MACROD2: variants seen among roughly 807,000 people sequenced by gnomAD.
MACROD2 encodes the protein mono-ADP ribosylhydrolase 2, also known as ADP-ribose glycohydrolase MACROD2.
In MACROD2, 36 loss-of-function variants were observed where a neutral mutation model predicts 70.4. That is an observed-to-expected ratio of 0.51 (90% CI 0.39 to 0.68). The LOEUF is 0.68. MACROD2 is among the 30% of genes least tolerant of loss of function. MACROD2 has a pLI of 0.00. For missense variants in MACROD2, 496 were observed against 538.4 expected (o/e 0.92, Z 0.78); for synonymous variants, 172 against 178.8 (o/e 0.96, Z 0.30).
At chr20:15,001,710 T>G (rs1192646768) in intron 5 of MACROD2, among the ~76,000 whole-genome samples, 1 of 152,042 alleles carries the variant, frequency 6.6e-6, no homozygotes, top group Admixed American at 6.6e-5. Context: ...TTTTTGTTTT[T>G]TTTTAATTTT....
chr20:14,047,254 G>A (rs1373510171), intron 2 of MACROD2, among the ~76,000 whole-genome samples: 1 of 152,110 alleles, frequency 6.6e-6, no homozygotes, highest in Non-Finnish European at 1.5e-5. Context: ...AGACCAGTCT[G>A]ACCAGCATGG....
At chr20:14,168,866 C>G (rs1348991235) in intron 3 of MACROD2, among the ~76,000 whole-genome samples, 1 of 152,174 alleles carries the variant, frequency 6.6e-6, no homozygotes, top group African/African-American at 2.4e-5. Flanking sequence ...AAGCCAGTGT[C>G]TCCCTAATAC....
At chr20:15,908,190 C>T (rs2065177811) in intron 10 of MACROD2, among the ~76,000 whole-genome samples, 2 of 152,134 alleles carry the variant, frequency 1.3e-5, no homozygotes, top group African/African-American at 4.8e-5. Flanking sequence ...AAGGCATGCG[C>T]TAGACCAGTG....
chr20:15,620,191 T>G (rs1339290116), intron 8 of MACROD2, among the ~76,000 whole-genome samples: 1 of 152,172 alleles, frequency 6.6e-6, no homozygotes, highest in Non-Finnish European at 1.5e-5. Flanking sequence ...GTTTCCAAGC[T>G]TGTGAAACTA....
chr20:15,168,712 T>C (rs1828871977), intron 5 of MACROD2, among the ~76,000 whole-genome samples: 1 of 152,040 alleles, frequency 6.6e-6, no homozygotes, highest in South Asian at 2.1e-4. Context: ...CCAGGTGTGA[T>C]AGTGAGTTCC....
At position 14,758,862 on chromosome 20, in the gene MACROD2, AT is replaced by A. The variant is rs1255075636; in HGVS notation, c.418+73910del. Among the ~76,000 whole-genome samples, 6 of 152,108 alleles carry A rather than the reference AT, an allele frequency of 3.9e-5. No homozygotes were observed. In the East Asian group the frequency reaches 9.7e-4, roughly 24 times the overall value. ...AACACTGCAAATCTTGAAATTGATC[AT>A]TTTTTTCTCTCTTTAGGTTGGCTTC... On this transcript the variant is annotated intron_variant, in intron 5 of 17. Coordinates refer to ENST00000684519, the MANE Select transcript of MACROD2 (RefSeq NM_001351661.2).
chr20:15,009,772 A>ATT (rs79069561), intron 5 of MACROD2, among the ~76,000 whole-genome samples: 1,694 of 117,874 alleles, frequency 0.014, 35 homozygotes, highest in African/African-American at 0.045. Context: ...CCACCTCCCT[A>ATT]TTTTTTTTTT....
At chr20:15,290,006 C>G (rs2077527455) in intron 6 of MACROD2, among the ~76,000 whole-genome samples, 1 of 152,188 alleles carries the variant, frequency 6.6e-6, no homozygotes, top group Non-Finnish European at 1.5e-5. Context: ...ATAACATTCC[C>G]TGAGCCAGGG....
intron 8 of MACROD2, among the ~76,000 whole-genome samples, chr20:15,846,476 G>A (rs175812): frequency 0.01 from 1,578 of 152,114 alleles, 23 homozygotes; most frequent in Middle Eastern, 0.058. Context: ...TGAGACAGCA[G>A]CGATTTTCTC....
intron 5 of MACROD2, among the ~76,000 whole-genome samples, chr20:14,881,914 A>G (rs888358551): frequency 4.6e-5 from 7 of 152,118 alleles, no homozygotes; most frequent in Admixed American, 2.0e-4. Context: ...GTAGACTTCT[A>G]TTTGTATAGT....
chr20:15,684,509 C>A (rs2050201458), intron 8 of MACROD2, among the ~76,000 whole-genome samples: 1 of 152,190 alleles, frequency 6.6e-6, no homozygotes, highest in Admixed American at 6.5e-5. Context: ...ACAAGTGCTA[C>A]CTTCTCATAA....
intron 3 of MACROD2, among the ~76,000 whole-genome samples, chr20:14,139,879 G>T (rs1286768214): frequency 6.6e-6 from 1 of 152,160 alleles, no homozygotes; most frequent in African/African-American, 2.4e-5. Flanking sequence ...AAGGGTCGCA[G>T]TCAAAATGTA....
intron 5 of MACROD2, among the ~76,000 whole-genome samples, chr20:15,093,078 A>G (rs544442930): frequency 1.3e-5 from 2 of 152,334 alleles, no homozygotes; most frequent in Non-Finnish European, 2.9e-5. Flanking sequence ...CCCTAAAACA[A>G]TATCCCACCA....
At chr20:15,571,949 T>C (rs574874125) in intron 8 of MACROD2, among the ~76,000 whole-genome samples, 1 of 152,258 alleles carries the variant, frequency 6.6e-6, no homozygotes, top group African/African-American at 2.4e-5. Context: ...ACAGTTTTTT[T>C]CCCAAACTTA....
chr20:14,520,401 C>A (rs964306779), intron 4 of MACROD2, among the ~76,000 whole-genome samples: 1 of 151,844 alleles, frequency 6.6e-6, no homozygotes, highest in Admixed American at 6.6e-5. Flanking sequence ...TGATTTATTT[C>A]TTTGATGCTT....
At chr20:15,591,429 A>T (rs1281571993) in intron 8 of MACROD2, among the ~76,000 whole-genome samples, 1 of 152,074 alleles carries the variant, frequency 6.6e-6, no homozygotes, top group Non-Finnish European at 1.5e-5. Context: ...ACATGACAAG[A>T]ACCTGACATG....
chr20:14,739,215 G>A (rs1162739106), intron 5 of MACROD2, among the ~76,000 whole-genome samples: 1 of 151,954 alleles, frequency 6.6e-6, no homozygotes, highest in Non-Finnish European at 1.5e-5. Context: ...ATTCTAGTAT[G>A]AGAAATTATG....
At chr20:14,731,004 CACACAT>C (rs1000831018) in intron 5 of MACROD2, among the ~76,000 whole-genome samples, 29 of 112,562 alleles carry the variant, frequency 2.6e-4, no homozygotes, top group African/African-American at 7.1e-4. Flanking sequence ...CACACACACA[CACACAT>C]GCACACACAC....
chr20:15,296,721 T>C (rs576127153), intron 6 of MACROD2, among the ~76,000 whole-genome samples: 1 of 152,244 alleles, frequency 6.6e-6, no homozygotes, highest in South Asian at 2.1e-4. Context: ...AGGAATTTGG[T>C]TGTTTCTGAT....
Sources: allele counts gnomAD v4.1 joint callset (sites outside exome capture counted in the v4.1 genomes callset), GRCh38; gene constraint gnomAD v4.1.1; transcripts MANE v1.5; gene names NCBI Gene and HGNC (gene_info 2026-07-23, HGNC 2026-07-21).